ATRNL1: variants seen among roughly 807,000 people sequenced by gnomAD.
The protein encoded by ATRNL1 is attractin like 1.
Under a neutral mutation model 182.7 loss-of-function variants are expected in ATRNL1, and 95 were observed. That is an observed-to-expected ratio of 0.52 (90% CI 0.44 to 0.62). ATRNL1 has a LOEUF of 0.62. Ranked by LOEUF, ATRNL1 falls within the 20% of genes least tolerant of loss-of-function variation. ATRNL1 has a pLI of 0.00. For synonymous variants in ATRNL1, 576 were observed against 568.3 expected (o/e 1.01, Z -0.19); for missense variants, 1,471 against 1,679.5 (o/e 0.88, Z 2.17).
At chr10:115,462,438 C>A (rs571733112) in intron 22 of ATRNL1, among the ~76,000 whole-genome samples, 1 of 151,792 alleles carries the variant, frequency 6.6e-6, no homozygotes, top group South Asian at 2.1e-4. Context: ...GTGGTGAATC[C>A]CCATCTCTAC....
chr10:115,674,965 A>G (rs1317949405), intron 26 of ATRNL1, among the ~76,000 whole-genome samples: 1 of 152,116 alleles, frequency 6.6e-6, no homozygotes, highest in Middle Eastern at 3.2e-3. Flanking sequence ...TTTCTCTCCT[A>G]AAACCTTAGT....
intron 21 of ATRNL1, 131 bp from the exon 22 acceptor site, chr10:115,461,810 C>T: frequency 9.0e-6 from 4 of 443,696 alleles, no homozygotes; most frequent in Non-Finnish European, 1.6e-5. Context: ...TTTTGTTATA[C>T]TTAAATATAC....
At chr10:115,097,923 C>G (rs1248963305) in intron 1 of ATRNL1, among the ~76,000 whole-genome samples, 1 of 151,762 alleles carries the variant, frequency 6.6e-6, no homozygotes. Flanking sequence ...GACTCCGTCT[C>G]AAAACAAAAC....
intron 27 of ATRNL1, among the ~76,000 whole-genome samples, chr10:115,776,030 G>C (rs559583612): frequency 6.6e-6 from 1 of 151,600 alleles, no homozygotes; most frequent in East Asian, 2.0e-4. Flanking sequence ...AAGCAGCTCT[G>C]TTATACAAGA....
intron 8 of ATRNL1, among the ~76,000 whole-genome samples, chr10:115,201,662 A>T (rs1299718267): frequency 2.2e-4 from 33 of 151,792 alleles, no homozygotes; most frequent in African/African-American, 7.0e-4. Flanking sequence ...AGTCAGGTAG[A>T]GTGATGCCTC....
At chr10:115,899,227 C>G (rs1299358150) in intron 28 of ATRNL1, among the ~76,000 whole-genome samples, 1 of 152,088 alleles carries the variant, frequency 6.6e-6, no homozygotes, top group African/African-American at 2.4e-5. Context: ...TGAGTGAGAA[C>G]ATGCGGTGTT....
chr10:115,716,158 A>G (rs1555056219), intron 26 of ATRNL1, among the ~76,000 whole-genome samples: 1 of 152,164 alleles, frequency 6.6e-6, no homozygotes, highest in African/African-American at 2.4e-5. Context: ...TTATCACACC[A>G]GTTAGTCAAT....
intron 26 of ATRNL1, among the ~76,000 whole-genome samples, chr10:115,655,184 C>T (rs1860255380): frequency 6.6e-6 from 1 of 152,162 alleles, no homozygotes; most frequent in Admixed American, 6.5e-5. Flanking sequence ...TATCCAAGTT[C>T]TTCCAAGATT....
intron 19 of ATRNL1, among the ~76,000 whole-genome samples, chr10:115,366,401 C>T (rs1289734793): frequency 3.3e-5 from 5 of 151,956 alleles, no homozygotes; most frequent in Non-Finnish European, 5.9e-5. Flanking sequence ...TTATTTTGAG[C>T]CTATGTGTGT....
At chr10:115,246,298 A>G (rs782409286) in intron 10 of ATRNL1, among the ~76,000 whole-genome samples, 11 of 152,300 alleles carry the variant, frequency 7.2e-5, no homozygotes, top group Non-Finnish European at 1.6e-4. Context: ...TCCTTTTGAT[A>G]TTAACACTAT....
At position 115,458,805 on chromosome 10, in the gene ATRNL1, A is replaced by T. The variant is rs143642216; in HGVS notation, c.3323-3136A>T. ...GATGCTTGAGCAGACAAATTTGTGGAAATAGTTTTGAAGTGCTTGCTTTTC... is the reference window on the plus strand; with the variant it reads ...GATGCTTGAGCAGACAAATTTGTGGTAATAGTTTTGAAGTGCTTGCTTTTC... On this transcript the variant is annotated intron_variant, in intron 21 of 28. Transcript: ENST00000355044. Among the ~76,000 whole-genome samples, 316 of 152,216 alleles carry T rather than the reference A, an allele frequency of 2.1e-3. 1 individual carries two copies. Among genetic ancestry groups the T allele is most frequent in the African/African-American group, 7.5e-3 (310 of 41,560 alleles).
intron 8 of ATRNL1, among the ~76,000 whole-genome samples, chr10:115,203,252 C>A (rs934318312): frequency 6.6e-6 from 1 of 152,062 alleles, no homozygotes; most frequent in Non-Finnish European, 1.5e-5. Flanking sequence ...ACTCCACCAA[C>A]AAATGTAAAC....
At chr10:115,699,450 C>A (rs1946664977) in intron 26 of ATRNL1, among the ~76,000 whole-genome samples, 1 of 151,908 alleles carries the variant, frequency 6.6e-6, no homozygotes, top group Non-Finnish European at 1.5e-5. Context: ...TAAGGATAGG[C>A]AATTAGATCA....
At chr10:115,784,641 A>G (rs186128490) in intron 27 of ATRNL1, among the ~76,000 whole-genome samples, 1 of 152,304 alleles carries the variant, frequency 6.6e-6, no homozygotes, top group East Asian at 1.9e-4. Flanking sequence ...GGGAGAAACC[A>G]TCCCATGCCT....
At chr10:115,918,292 G>A (rs965456349) in intron 28 of ATRNL1, among the ~76,000 whole-genome samples, 3 of 151,892 alleles carry the variant, frequency 2.0e-5, no homozygotes, top group South Asian at 2.1e-4. Context: ...TAGTAGAGAC[G>A]GGGTTTCACC....
At chr10:115,799,408 C>T (rs1465308375) in intron 27 of ATRNL1, among the ~76,000 whole-genome samples, 1 of 152,196 alleles carries the variant, frequency 6.6e-6, no homozygotes, top group Non-Finnish European at 1.5e-5. Flanking sequence ...GCCTCTCCCT[C>T]ATGGGGATGC....
At chr10:115,365,678 A>G (rs1856996697) in intron 19 of ATRNL1, among the ~76,000 whole-genome samples, 1 of 147,404 alleles carries the variant, frequency 6.8e-6, no homozygotes, top group Non-Finnish European at 1.5e-5. Flanking sequence ...ATTTCCCTCT[A>G]CACACTGCTT....
chr10:115,534,000 T>A (rs1345075645), intron 25 of ATRNL1, among the ~76,000 whole-genome samples: 1 of 148,782 alleles, frequency 6.7e-6, no homozygotes, highest in Non-Finnish European at 1.5e-5. Context: ...CTTTTACATT[T>A]GCTGAGGAGA....
chr10:115,223,619 C>A (rs1225432938), intron 9 of ATRNL1, among the ~76,000 whole-genome samples: 1 of 151,868 alleles, frequency 6.6e-6, no homozygotes, highest in Non-Finnish European at 1.5e-5. Flanking sequence ...GGACAATGAA[C>A]AATTTTGTCT....
Sources: gnomAD v4.1 joint callset for allele counts (sites outside exome capture counted in the v4.1 genomes callset) on GRCh38, gnomAD v4.1.1 for gene constraint, MANE v1.5 for transcripts, NCBI Gene and HGNC (gene_info 2026-07-23, HGNC 2026-07-21) for gene names.